SF3A2: variants seen among roughly 807,000 people sequenced by gnomAD.
SF3A2 encodes splicing factor 3a subunit 2.
Under a neutral mutation model 31.1 loss-of-function variants are expected in SF3A2, and 5 were observed. That is an observed-to-expected ratio of 0.16 (90% CI 0.08 to 0.34). The LOEUF is 0.34. Among genes scored for constraint, SF3A2 ranks in the 10% least tolerant of loss-of-function variants. The pLI, the probability that SF3A2 is intolerant of heterozygous loss-of-function variation, is 1.00. For missense variants in SF3A2, 577 were observed against 643.9 expected, an observed-to-expected ratio of 0.90 and a Z score of 1.13; for synonymous variants, 365 against 263.7, an observed-to-expected ratio of 1.38 and a Z score of -3.72.
chr19:2,243,553 G>C lies in SF3A2; in HGVS notation c.126+9G>C. Reference sequence around the variant, plus strand: ...CCATCGACATCAACAAGGTGGGCCAGCCACCGTGCAGCTGCCTGTGGTGGG... The same window carrying C: ...CCATCGACATCAACAAGGTGGGCCACCCACCGTGCAGCTGCCTGTGGTGGG... On this transcript the variant is annotated intron_variant, in intron 2 of 8. Coordinates refer to ENST00000221494, the MANE Select transcript of SF3A2 (RefSeq NM_007165.5). 1 of 1,539,732 alleles carries C rather than the reference G, an allele frequency of 6.5e-7. No homozygotes were observed.
Position 2,246,289 on chromosome 19 carries a change from C to T in SF3A2, c.356-464C>T, listed in dbSNP as rs1004160967. 2.0e-5 allele frequency among the ~76,000 whole-genome samples: 3 copies of T among 151,704 alleles called. No individual in the cohort carries two copies. Among genetic ancestry groups the T allele is most frequent in the South Asian group, 2.1e-4 (1 of 4,768 alleles). On this transcript the variant is annotated intron_variant, in intron 5 of 8. Coordinates refer to ENST00000221494, the MANE Select transcript of SF3A2 (RefSeq NM_007165.5). The surrounding 1 kb of genome is among the most constrained non-coding windows in gnomAD (Gnocchi z 5.5). ...TGTCTGAGGCCGCATGGAGAGTGGCCGGGCGGCAGGCAGCCCAGCAGCCAT... is the reference window on the plus strand; with the variant it reads ...TGTCTGAGGCCGCATGGAGAGTGGCTGGGCGGCAGGCAGCCCAGCAGCCAT...
chr19:2,237,063 C>T (rs1274055857), intron 1 of SF3A2, 162 bp downstream of exon 1: 2 of 150,904 alleles, frequency 1.3e-5, no homozygotes, highest in Non-Finnish European at 3.0e-5. Context: ...CCTTGTGCAT[C>T]CTGAGGCCCC....
rs1244757705 is a variant in SF3A2 at position 2,246,748 on chromosome 19, T to C, written c.356-5T>C. 3 of 1,613,930 alleles carry C rather than the reference T, an allele frequency of 1.9e-6. No individual in the cohort carries two copies. In the Admixed American group the frequency reaches 5.0e-5, roughly 27 times the overall value. On this transcript the variant is annotated splice_region_variant and splice_polypyrimidine_tract_variant and intron_variant, in intron 5 of 8. Transcript: ENST00000221494. The surrounding 1 kb of genome is among the most constrained non-coding windows in gnomAD (Gnocchi z 5.5). ...GCCGGGACCTGAGAGCTTTCTGTGT[T>C]GCAGTGACCAAGCAGAGAGACTCGG...
chr19:2,238,177 C>G (rs1242631313), intron 1 of SF3A2, among the ~76,000 whole-genome samples: 1 of 152,160 alleles, frequency 6.6e-6, no homozygotes, highest in East Asian at 1.9e-4. Flanking sequence ...GTGCTCACCA[C>G]CATGTCCGGC....
chr19:2,244,672 G>A, intron 3 of SF3A2, 57 bp downstream of exon 3: 1 of 1,611,632 alleles, frequency 6.2e-7, no homozygotes, highest in African/African-American at 1.3e-5. Flanking sequence ...CTGACGTCAG[G>A]GGGACCTGCC....
In SF3A2 at chr19:2,246,693, C is replaced by G. The variant is rs1276577972; in HGVS notation, c.356-60C>G. The G allele has an allele frequency of 5.7e-5, 92 of 1,606,456 alleles. No homozygotes were observed. The highest frequency in any genetic ancestry group is 7.0e-5 in the Non-Finnish European group (82 of 1,174,892). On this transcript the variant is annotated intron_variant, in intron 5 of 8. Transcript: ENST00000221494. The surrounding 1 kb of genome is among the most constrained non-coding windows in gnomAD (Gnocchi z 5.5). Reference sequence around the variant, plus strand: ...TTCAGTGGGTGGCATTAGCCTGCCCCAGGTTCCTCAGCTTCGGAGAGGACA... The same window carrying G: ...TTCAGTGGGTGGCATTAGCCTGCCCGAGGTTCCTCAGCTTCGGAGAGGACA...
At position 2,247,823 on chromosome 19, in the gene SF3A2, T is replaced by G. The variant is rs1374224943; in HGVS notation, c.672T>G (p.Pro224=). ...AGCCCCCGGCTCCACCCAGCCTCCC[T>G]GCTGGCCCCCCTGGGGTGAAGCGGC... is the stretch of plus-strand genomic sequence containing the variant. ...MEKPPAPPSL[P]AGPPGVKRPP... is the part of the protein sequence containing the mutation. Residue 224 remains proline, a synonymous_variant, in exon 9 of 9, where the codon CCT becomes CCG. Coordinates refer to ENST00000221494, the MANE Select transcript of SF3A2 (RefSeq NM_007165.5). 6.2e-7 allele frequency: 1 copy of G among 1,601,480 alleles called. No homozygotes were observed. The highest frequency in any genetic ancestry group is 1.7e-5 in the Admixed American group (1 of 59,856).
At chr19:2,242,282 T>C (rs983703752) in intron 1 of SF3A2, among the ~76,000 whole-genome samples, 2 of 152,264 alleles carry the variant, frequency 1.3e-5, no homozygotes, top group Admixed American at 6.5e-5. Context: ...CTGTATCAGC[T>C]TCTGGTTCTG....
chr19:2,248,241 G>C lies in SF3A2; in HGVS notation c.1090G>C (p.Val364Leu), dbSNP rs1406069104. 3.5e-6 allele frequency: 5 copies of C among 1,432,678 alleles called. No homozygotes were observed. The highest frequency in any genetic ancestry group is 2.7e-5 in the Admixed American group (1 of 37,530). The allele number at this position is 1,432,678 out of a possible 1,614,324, so 88.7% of individuals were successfully genotyped here. A position where few individuals can be genotyped will look rare whatever the true frequency, so the allele number is the denominator to read the frequency against. The change falls in exon 9 of 9, where the codon GTC becomes CTC. Residue 364 changes from valine (V) to leucine (L), a missense_variant. Coordinates refer to ENST00000221494, the MANE Select transcript of SF3A2 (RefSeq NM_007165.5). The stretch of plus-strand genomic sequence containing the variant: ...TGGGGTTCACCCACCAGCCCCAGGG[G>C]TCCATCCTCCCCCATCAGCGGGGGT... ...APGVHPPAPG[V>L]HPPPSAGVHP...
rs773699287 is a variant in SF3A2, at chr19:2,243,414, T to C, written c.-5T>C. The stretch of plus-strand genomic sequence containing the variant: ...CCAGTCTGCTAAAGCCCTAAGGCCA[T>C]CACCATGGACTTCCAGCATCGCCCC... On this transcript the variant is annotated 5_prime_UTR_variant, in exon 2 of 9. Transcript: ENST00000221494. The C allele has an allele frequency of 6.5e-7, 1 of 1,538,118 alleles. No homozygotes were observed. Among genetic ancestry groups the C allele is most frequent in the East Asian group, 2.6e-5 (1 of 38,556 alleles).
chr19:2,248,513 A>G lies in SF3A2; in HGVS notation c.1362A>G (p.Pro454=). 8.8e-7 allele frequency: 1 copy of G among 1,140,098 alleles called. No homozygotes were observed. The highest frequency in any genetic ancestry group is 1.1e-6 in the Non-Finnish European group (1 of 896,362). The allele number at this position is 1,140,098 out of a possible 1,614,324, so 70.6% of individuals were successfully genotyped here. ...GGCCCCCACTTCCCTCCGAAGGCCC[A>G]GGGAACATACCTCCCCCTCCCCCAA... ...MLRPPLPSEG[P]GNIPPPPPTN is the part of the protein sequence containing the mutation. The change falls in exon 9 of 9, where the codon CCA becomes CCG. Residue 454 remains proline (P), a synonymous_variant. Transcript: ENST00000221494.
chr19:2,248,191 C>A lies in SF3A2; in HGVS notation c.1040C>A (p.Ala347Asp). 6 of 1,443,416 alleles carry A rather than the reference C, an allele frequency of 4.2e-6. No individual in the cohort carries two copies. The highest frequency in any genetic ancestry group is 4.7e-6 in the Non-Finnish European group (5 of 1,068,970). 89.4% of individuals were successfully genotyped at this position (1,443,416 alleles called of 1,614,324 possible). ...HPPAPGVHPP[A>D]PGVHPPAPGV... ...CCAGCCCCCGGGGTTCACCCACCAG[C>A]CCCCGGAGTCCACCCACCAGCCCCT... is the stretch of plus-strand genomic sequence containing the variant. Residue 347 changes from alanine (A) to aspartate (D), a missense_variant, in exon 9 of 9, where the codon GCC (alanine) becomes GAC (aspartate). By Grantham distance (126) the Ala-to-Asp change is moderately radical. Around this residue, in one of 6 missense-constraint regions of SF3A2, gnomAD observed 462 missense variants for 339.1 expected, o/e 1.36. Transcript: ENST00000221494.
In SF3A2 at chr19:2,248,006, A is replaced by AG; in HGVS notation, c.859dup (p.Val287GlyfsTer?). On this transcript the variant is annotated frameshift_variant, in exon 9 of 9. Transcript: ENST00000221494. LOFTEE classifies it low-confidence loss of function (END_TRUNC). ...CACCCCAGCTACCCCCGCCAGCTCC[A>AG]GGGGTCCACCCCCCGGCCCCAGTGG... 1.2e-6 allele frequency: 1 copy of AG among 807,936 alleles called. No individual in the cohort carries two copies. The highest frequency in any genetic ancestry group is 1.9e-6 in the Non-Finnish European group (1 of 540,064). The allele number at this position is 807,936 out of a possible 1,614,324, so 50.0% of individuals were successfully genotyped here.
chr19:2,245,772 T>G lies in SF3A2; in HGVS notation c.355+217T>G. 5.2e-6 allele frequency: 3 copies of G among 575,998 alleles called. No homozygotes were observed. The highest frequency in any genetic ancestry group is 3.1e-6 in the Non-Finnish European group (1 of 321,142). The allele number at this position is 575,998 out of a possible 1,614,324, so 35.7% of individuals were successfully genotyped here. On this transcript the variant is annotated intron_variant, in intron 5 of 8. Transcript: ENST00000221494. The surrounding 1 kb of genome is among the most constrained non-coding windows in gnomAD (Gnocchi z 4.2). ...GCACCCATCTCACCCAGCAGCCCAT[T>G]TCCCAGCTGAGCCACAGTCTGTGCC...
chr19:2,245,315 C>A lies in SF3A2; in HGVS notation c.246-131C>A. ...CCTCAGCCAAACCCCAGGGCCCCTCCCAGGCCCCTGGCCCTCCTCATCTCT... is the reference window on the plus strand; with the variant it reads ...CCTCAGCCAAACCCCAGGGCCCCTCACAGGCCCCTGGCCCTCCTCATCTCT... On this transcript the variant is annotated intron_variant, in intron 4 of 8. Coordinates refer to ENST00000221494, the MANE Select transcript of SF3A2 (RefSeq NM_007165.5). The surrounding 1 kb of genome is among the most constrained non-coding windows in gnomAD (Gnocchi z 4.2). 1 of 658,378 alleles carries A rather than the reference C, an allele frequency of 1.5e-6. No individual in the cohort carries two copies. Among genetic ancestry groups the A allele is most frequent in the South Asian group, 1.9e-5 (1 of 52,572 alleles). 40.8% of individuals were successfully genotyped at this position (658,378 alleles called of 1,614,324 possible).
Sources: gnomAD v4.1 joint callset for allele counts (sites outside exome capture counted in the v4.1 genomes callset) on GRCh38, gnomAD v4.1.1 for gene constraint, gnomAD v4.1.1 regional missense constraint, Gnocchi (gnomAD v3.1) non-coding constraint, MANE v1.5 for transcripts, NCBI Gene and HGNC (gene_info 2026-07-23, HGNC 2026-07-21) for gene names.